The following SHOC2 variants were observed in gnomAD, a reference collection of about 807,000 sequenced individuals.
The protein encoded by SHOC2 is SHOC2 leucine rich repeat scaffold protein.
In SHOC2, 4 loss-of-function variants were observed where a neutral mutation model predicts 50.2. The observed-to-expected ratio is 0.08, with a 90% CI of 0.04 to 0.18. SHOC2 has a LOEUF of 0.18. Among genes scored for constraint, SHOC2 ranks in the 10% least tolerant of loss-of-function variants. The probability of loss-of-function intolerance (pLI) is 1.00; values close to 1 mark genes in which losing one functional copy is unlikely to be tolerated. For missense variants in SHOC2, 388 were observed against 669.6 expected (o/e 0.58, Z 4.64); for synonymous variants, 218 against 244.5 (o/e 0.89, Z 1.01).
At chr10:110,955,784 T>G (rs1179914387) in intron 1 of SHOC2, among the ~76,000 whole-genome samples, 1 of 152,206 alleles carries the variant, frequency 6.6e-6, no homozygotes, top group Non-Finnish European at 1.5e-5. Context: ...AGAGTAGAAA[T>G]TGAAATATGA....
rs754320175 is a variant in SHOC2 at position 111,007,508 on chromosome 10, A to T, written c.1162-23A>T. On this transcript the variant is annotated intron_variant, in intron 5 of 8. Coordinates refer to ENST00000369452, the MANE Select transcript of SHOC2 (RefSeq NM_007373.4). ...CTTTGTTTTTGTGATTCTACCTTGG[A>T]TGCTTCTTTTTGTCTTTGCCAGGAC... 3.7e-6 allele frequency: 6 copies of T among 1,613,090 alleles called. No homozygotes were observed. The Admixed American group carries it at 1.0e-4, about 27-fold the overall frequency.
chr10:110,931,765 G>C (rs1418281151), intron 1 of SHOC2, among the ~76,000 whole-genome samples: 1 of 152,074 alleles, frequency 6.6e-6, no homozygotes, highest in Non-Finnish European at 1.5e-5. Flanking sequence ...AGTAAAAATT[G>C]CTGTCTAGAA....
chr10:110,950,614 T>C (rs553703024), intron 1 of SHOC2, among the ~76,000 whole-genome samples: 3 of 152,200 alleles, frequency 2.0e-5, no homozygotes, highest in East Asian at 1.9e-4. Flanking sequence ...TCCATAATTG[T>C]TCAAAATATA....
chr10:111,000,018 TTATA>T (rs1848340821), intron 3 of SHOC2, among the ~76,000 whole-genome samples: 1 of 152,186 alleles, frequency 6.6e-6, no homozygotes, highest in African/African-American at 2.4e-5. Context: ...GTGTACATAC[TTATA>T]TATAACCACT....
intron 2 of SHOC2, among the ~76,000 whole-genome samples, chr10:110,965,400 C>G (rs548733170): frequency 6.4e-4 from 98 of 152,232 alleles, no homozygotes; most frequent in African/African-American, 2.3e-3. Flanking sequence ...TCTGTTGATA[C>G]AATTTTATTA....
intron 1 of SHOC2, among the ~76,000 whole-genome samples, chr10:110,935,655 T>C (rs565265680): frequency 6.6e-6 from 1 of 152,326 alleles, no homozygotes; most frequent in South Asian, 2.1e-4. Flanking sequence ...TTTCAATGAA[T>C]GTATTTAGCT....
At chr10:110,959,525 A>G (rs963478332) in intron 1 of SHOC2, among the ~76,000 whole-genome samples, 1 of 152,198 alleles carries the variant, frequency 6.6e-6, no homozygotes, top group East Asian at 1.9e-4. Flanking sequence ...TGTAGCTAAA[A>G]ATAGTTAGAT....
chr10:110,997,528 CTT>C (rs66612382), intron 3 of SHOC2, among the ~76,000 whole-genome samples: 94 of 152,100 alleles, frequency 6.2e-4, no homozygotes, highest in Admixed American at 1.8e-3. Flanking sequence ...TTTTATCATG[CTT>C]TTTCCCCCCC....
At chr10:110,994,336 G>A (rs932308939) in intron 3 of SHOC2, among the ~76,000 whole-genome samples, 1 of 152,072 alleles carries the variant, frequency 6.6e-6, no homozygotes. Context: ...GTGAGTAAAT[G>A]GGGGCTATTC....
chr10:110,997,634 A>G (rs1265791366), intron 3 of SHOC2, among the ~76,000 whole-genome samples: 1 of 152,208 alleles, frequency 6.6e-6, no homozygotes, highest in Non-Finnish European at 1.5e-5. Context: ...TAGACATACT[A>G]CAGAATGAAA....
intron 1 of SHOC2, among the ~76,000 whole-genome samples, chr10:110,938,395 A>G (rs1005582427): frequency 3.9e-5 from 6 of 152,140 alleles, no homozygotes; most frequent in Non-Finnish European, 8.8e-5. Context: ...GGAGCTTTCA[A>G]TTTTTAGCCT....
In SHOC2 at chr10:110,971,138, G is replaced by A. The variant is rs1270215894; in HGVS notation, c.703+6077G>A. ...AAATCTTTGCCCAGACCATTGTCCT[G>A]AAGTGTTTCCCCTATGTTTCTTGTA... On this transcript the variant is annotated intron_variant, in intron 2 of 8. Coordinates refer to ENST00000369452, the MANE Select transcript of SHOC2 (RefSeq NM_007373.4). Among the ~76,000 whole-genome samples the A allele has an allele frequency of 5.3e-5, 8 of 152,072 alleles. No individual in the cohort carries two copies. The East Asian group carries it at 1.5e-3, about 29-fold the overall frequency.
chr10:110,962,908 T>G (rs1847599137), intron 1 of SHOC2, among the ~76,000 whole-genome samples: 1 of 152,236 alleles, frequency 6.6e-6, no homozygotes, highest in South Asian at 2.1e-4. Flanking sequence ...ATATGCTGTC[T>G]TATCAATTAC....
intron 2 of SHOC2, among the ~76,000 whole-genome samples, chr10:110,975,434 G>A (rs1328532581): frequency 2.0e-5 from 3 of 152,078 alleles, no homozygotes; most frequent in East Asian, 1.9e-4. Flanking sequence ...GAGCCACTGC[G>A]CCCGGCCTAT....
chr10:110,962,206 T>C (rs1847585448), intron 1 of SHOC2, among the ~76,000 whole-genome samples: 1 of 152,152 alleles, frequency 6.6e-6, no homozygotes, highest in East Asian at 1.9e-4. Context: ...TTGATCCTTA[T>C]ATAGGAGGTG....
chr10:110,925,093 TTAAAA>T lies in SHOC2; in HGVS notation c.-235+5442_-235+5446del, dbSNP rs869288611. Among the ~76,000 whole-genome samples the T allele has an allele frequency of 2.8e-4, 29 of 104,168 alleles. 1 individual carries two copies. The highest frequency in any genetic ancestry group is 8.6e-4 in the African/African-American group (27 of 31,282). The allele number at this position is 104,168 out of a possible 152,430, so 68.3% of individuals were successfully genotyped here. ...CTCAAAAAAAAAAAAAAAAAAAAAA[TTAAAA>T]TAAAAAGCAATACTTAAATGTCTTT... is the stretch of plus-strand genomic sequence containing the variant. On this transcript the variant is annotated intron_variant, in intron 1 of 8. Transcript: ENST00000369452.
intron 1 of SHOC2, chr10:110,937,339 G>A (rs546201835): frequency 1.1e-5 from 7 of 637,858 alleles, no homozygotes; most frequent in Non-Finnish European, 2.0e-5. Context: ...AATGTTTCAA[G>A]CAAGGGACTG....
At chr10:110,956,572 T>C (rs1847467838) in intron 1 of SHOC2, among the ~76,000 whole-genome samples, 1 of 152,214 alleles carries the variant, frequency 6.6e-6, no homozygotes, top group Non-Finnish European at 1.5e-5. Flanking sequence ...ACAGCAGTGC[T>C]CCTTGTCCTA....
rs532446734 is a variant in SHOC2 at position 111,012,248 on chromosome 10, T to A, written c.*430T>A. ...GTATTGTAGGCCCTGAAAGTAGAAT[T>A]TTTCTTTAACTTATTTTGAGATTTG... On this transcript the variant is annotated 3_prime_UTR_variant, in exon 9 of 9. Transcript: ENST00000369452. The A allele has an allele frequency of 1.2e-5, 2 of 164,400 alleles. No individual in the cohort carries two copies. Among genetic ancestry groups the A allele is most frequent in the Admixed American group, 1.2e-4 (2 of 17,124 alleles). 10.2% of individuals were successfully genotyped at this position (164,400 alleles called of 1,614,324 possible).
Sources: allele counts gnomAD v4.1 joint callset (sites outside exome capture counted in the v4.1 genomes callset), GRCh38; gene constraint gnomAD v4.1.1; transcripts MANE v1.5; gene names NCBI Gene and HGNC (gene_info 2026-07-23, HGNC 2026-07-21).